Variants in TRAPPC12 observed in about 807,000 individuals in gnomAD.
The protein encoded by TRAPPC12 is trafficking protein particle complex subunit 12.
A neutral mutation model predicts 69.2 loss-of-function variants in TRAPPC12; 61 were observed. The observed-to-expected ratio is 0.88, with a 90% CI of 0.72 to 1.09. The LOEUF (loss-of-function observed/expected upper bound fraction) is 1.09, where lower values mean the gene tolerates loss of function less well. Among genes scored for constraint, TRAPPC12 ranks in the 50% least tolerant of loss-of-function variants. TRAPPC12 has a pLI of 0.00. For synonymous variants in TRAPPC12, 469 were observed against 438.9 expected (o/e 1.07, Z -0.86); for missense variants, 1,101 against 1,016.4 (o/e 1.08, Z -1.13).
chr2:3,409,051 G>T (rs1002877814), intron 3 of TRAPPC12, among the ~76,000 whole-genome samples: 1 of 152,208 alleles, frequency 6.6e-6, no homozygotes, highest in African/African-American at 2.4e-5. Flanking sequence ...TCCTGAGGCT[G>T]CCACAGCTGT....
At chr2:3,465,507 C>G (rs4971513) in intron 8 of TRAPPC12, 90 bp from the exon 9 acceptor site, 265,954 of 879,434 alleles carry the variant, frequency 0.3, 41,188 homozygotes, top group East Asian at 0.38. Flanking sequence ...CTCTCTACAC[C>G]GCGTCTGTAT....
In TRAPPC12 at chr2:3,449,991, CAGA is replaced by C. The variant is rs200336870; in HGVS notation, c.1530+6110_1530+6112del. ...CCCGTGTGTGTTCAGAATGTGCAAG[CAGA>C]AGAAGAAGAGGGAGCGGAAAGCACT... On this transcript the variant is annotated intron_variant, in intron 6 of 11. Coordinates refer to ENST00000324266, the MANE Select transcript of TRAPPC12 (RefSeq NM_016030.6). Among the ~76,000 whole-genome samples the C allele has an allele frequency of 5.6e-3, 844 of 152,048 alleles. 10 individuals are homozygous for C. Among genetic ancestry groups the C allele is most frequent in the African/African-American group, 0.019 (802 of 41,498 alleles).
chr2:3,431,803 T>C (rs1663460991), intron 5 of TRAPPC12, among the ~76,000 whole-genome samples: 1 of 152,222 alleles, frequency 6.6e-6, no homozygotes, highest in South Asian at 2.1e-4. Flanking sequence ...CAAATGTTTA[T>C]AGTTTACACT....
At chr2:3,471,775 G>A (rs1291772851) in intron 9 of TRAPPC12, among the ~76,000 whole-genome samples, 1 of 152,110 alleles carries the variant, frequency 6.6e-6, no homozygotes, top group Non-Finnish European at 1.5e-5. Context: ...TCTTGACTTG[G>A]GTCTTAGAGG....
intron 10 of TRAPPC12, 74 bp downstream of exon 10, chr2:3,477,869 A>G: frequency 1.0e-6 from 1 of 980,582 alleles, no homozygotes; most frequent in Admixed American, 2.7e-5. Flanking sequence ...ACTGAGTTGG[A>G]AAGCTCCCTA....
intron 3 of TRAPPC12, 84 bp from the exon 4 acceptor site, chr2:3,421,797 G>A: frequency 2.4e-6 from 3 of 1,239,758 alleles, no homozygotes; most frequent in Non-Finnish European, 3.5e-6. Flanking sequence ...GTGAGCAGCT[G>A]TGGCCAGTGG....
chr2:3,466,320 G>A (rs745750829), intron 9 of TRAPPC12: 5 of 471,130 alleles, frequency 1.1e-5, no homozygotes, highest in South Asian at 1.5e-5. Context: ...ACCTGGGCCA[G>A]GGAAAGGAGG....
chr2:3,400,126 C>T (rs181276416), intron 2 of TRAPPC12, among the ~76,000 whole-genome samples: 5 of 152,338 alleles, frequency 3.3e-5, no homozygotes, highest in East Asian at 1.9e-4. Flanking sequence ...GCGGGCCAGA[C>T]GCCCAGAGCA....
chr2:3,433,875 T>A (rs576720620), intron 5 of TRAPPC12, among the ~76,000 whole-genome samples: 1 of 152,358 alleles, frequency 6.6e-6, no homozygotes, highest in East Asian at 1.9e-4. Context: ...AGATTTTGAC[T>A]AGCTTCTCCT....
At chr2:3,386,136 A>G (rs1174189191) in intron 1 of TRAPPC12, among the ~76,000 whole-genome samples, 2 of 152,226 alleles carry the variant, frequency 1.3e-5, no homozygotes, top group Admixed American at 1.3e-4. Flanking sequence ...GGGAAGGCTG[A>G]CTCATTGGGA....
In TRAPPC12 at chr2:3,420,861, G is replaced by A. The variant is rs545568502; in HGVS notation, c.1165-1020G>A. The stretch of plus-strand genomic sequence containing the variant: ...AAGTGTGTGGCAGGCTCTACCACAC[G>A]TTTTTAAAATATGTAAACTCCTAAA... On this transcript the variant is annotated intron_variant, in intron 3 of 11. Transcript: ENST00000324266. Among the ~76,000 whole-genome samples the A allele has an allele frequency of 3.3e-5, 5 of 152,318 alleles. No homozygotes were observed. The South Asian group carries it at 1.0e-3, about 32-fold the overall frequency.
chr2:3,384,248 C>T (rs955170868), intron 1 of TRAPPC12, among the ~76,000 whole-genome samples: 1 of 152,260 alleles, frequency 6.6e-6, no homozygotes, highest in Middle Eastern at 3.4e-3. Context: ...CATAAATAAT[C>T]ATACACGAAG....
At chr2:3,389,542 G>A in intron 2 of TRAPPC12, 1 of 399,034 alleles carries the variant, frequency 2.5e-6, no homozygotes, top group South Asian at 1.8e-5. Flanking sequence ...GCCCGAGAGG[G>A]GATGTTACAG....
chr2:3,464,792 C>T (rs541562906), intron 8 of TRAPPC12, among the ~76,000 whole-genome samples: 9 of 152,352 alleles, frequency 5.9e-5, no homozygotes, highest in African/African-American at 2.2e-4. Context: ...TGACTGGGTC[C>T]GCTCAGCGTC....
At chr2:3,471,940 C>T (rs1027178115) in intron 9 of TRAPPC12, among the ~76,000 whole-genome samples, 6 of 152,032 alleles carry the variant, frequency 3.9e-5, no homozygotes, top group East Asian at 3.9e-4. Flanking sequence ...GGCAGCTGAG[C>T]GCAGGGTGGT....
intron 3 of TRAPPC12, among the ~76,000 whole-genome samples, chr2:3,421,030 C>T (rs2103052769): frequency 6.6e-6 from 1 of 152,358 alleles, no homozygotes; most frequent in East Asian, 1.9e-4. Flanking sequence ...GCCTTGCAGT[C>T]TCTGTCAGGC....
chr2:3,417,531 G>A (rs1038100385), intron 3 of TRAPPC12, among the ~76,000 whole-genome samples: 3 of 152,144 alleles, frequency 2.0e-5, no homozygotes, highest in African/African-American at 7.2e-5. Flanking sequence ...TCACCATTGT[G>A]ACCTGATGTT....
chr2:3,447,044 C>T (rs1664545435), intron 6 of TRAPPC12, among the ~76,000 whole-genome samples: 1 of 151,934 alleles, frequency 6.6e-6, no homozygotes, highest in Non-Finnish European at 1.5e-5. Flanking sequence ...GCTCACAGTC[C>T]TGCAGGCTGT....
chr2:3,478,502 C>T (rs1169638424), intron 10 of TRAPPC12, among the ~76,000 whole-genome samples: 1 of 152,134 alleles, frequency 6.6e-6, no homozygotes, highest in African/African-American at 2.4e-5. Context: ...GGCGTGGTGG[C>T]AGTCGCCTGT....
Sources: gnomAD v4.1 joint callset for allele counts (sites outside exome capture counted in the v4.1 genomes callset) on GRCh38, gnomAD v4.1.1 for gene constraint, MANE v1.5 for transcripts, NCBI Gene and HGNC (gene_info 2026-07-23, HGNC 2026-07-21) for gene names.